Variants in CMTR1 observed in about 807,000 individuals in gnomAD.
The protein encoded by CMTR1 is cap methyltransferase 1, also known as cap-specific mRNA (nucleoside-2'-O-)-methyltransferase 1.
In CMTR1, 39 loss-of-function variants were observed where a neutral mutation model predicts 107.0. The ratio of observed to expected loss-of-function variants is 0.36; its 90% CI spans 0.28 to 0.48. The LOEUF (loss-of-function observed/expected upper bound fraction) is 0.48, where lower values mean the gene tolerates loss of function less well. Among genes scored for constraint, CMTR1 ranks in the 20% least tolerant of loss-of-function variants. The pLI is 0.99. For synonymous variants in CMTR1, 366 were observed against 379.5 expected (o/e 0.96, Z 0.41); for missense variants, 672 against 1,064.9 (o/e 0.63, Z 5.14).
At chr6:37,434,791 T>A (rs1182974020) in intron 1 of CMTR1, among the ~76,000 whole-genome samples, 2 of 152,162 alleles carry the variant, frequency 1.3e-5, no homozygotes, top group East Asian at 3.8e-4. Flanking sequence ...GTGTTTTTTT[T>A]ACTAGAGATG....
intron 13 of CMTR1, among the ~76,000 whole-genome samples, chr6:37,470,436 G>A (rs938792812): frequency 1.3e-5 from 2 of 151,960 alleles, no homozygotes; most frequent in Admixed American, 6.6e-5. Context: ...GTGAGCCACC[G>A]CGCCTGGCCG....
At chr6:37,475,267 G>A in intron 18 of CMTR1, 54 bp from the exon 19 acceptor site, 2 of 1,410,040 alleles carry the variant, frequency 1.4e-6, no homozygotes, top group Admixed American at 3.5e-5. Context: ...TGGGTAGTGG[G>A]GGCTGAAGGC....
chr6:37,428,418 G>C (rs778486064), upstream of CMTR1, among the ~76,000 whole-genome samples: 1 of 152,078 alleles, frequency 6.6e-6, no homozygotes, highest in African/African-American at 2.4e-5. Context: ...CCCTCCCTTC[G>C]TGGGTTCCCT....
the CMTR1 span, among the ~76,000 whole-genome samples, chr6:37,427,386 C>G: frequency 6.6e-6 from 1 of 152,148 alleles, no homozygotes; most frequent in Non-Finnish European, 1.5e-5. This position sits in a 1 kb window ranked among gnomAD's most constrained non-coding sequence, Gnocchi z 4.4. Context: ...TTTCAGAGGT[C>G]CTTACTTCAC....
chr6:37,470,967 A>G, intron 13 of CMTR1, 54 bp from the exon 14 acceptor site: 1 of 1,475,032 alleles, frequency 6.8e-7, no homozygotes, highest in South Asian at 1.2e-5. Flanking sequence ...TCCTGATGTC[A>G]GTTACCTGTC....
chr6:37,474,490 C>G (rs760993675), intron 17 of CMTR1, 34 bp from the exon 18 acceptor site: 7 of 1,612,456 alleles, frequency 4.3e-6, no homozygotes, highest in Non-Finnish European at 5.9e-6. Context: ...GATCTCCATG[C>G]CTTCCTTACC....
Position 37,458,345 on chromosome 6 carries a change from G to A in CMTR1, c.778-267G>A, listed in dbSNP as rs536866477. On this transcript the variant is annotated intron_variant, in intron 8 of 23. Coordinates refer to ENST00000373451, the MANE Select transcript of CMTR1 (RefSeq NM_015050.3). This position sits in a 1 kb window ranked among gnomAD's most constrained non-coding sequence, Gnocchi z 4.7. Reference sequence around the variant, plus strand: ...GCTGGGATTACAGGCTTGAGCCACCGCGCCTGGCTCCATGAAGATGTTTTT... The same window carrying A: ...GCTGGGATTACAGGCTTGAGCCACCACGCCTGGCTCCATGAAGATGTTTTT... Among the ~76,000 whole-genome samples, 8 of 152,246 alleles carry A rather than the reference G, an allele frequency of 5.3e-5. No homozygotes were observed. The highest frequency in any genetic ancestry group is 9.6e-5 in the African/African-American group (4 of 41,534).
In CMTR1 at chr6:37,481,125, T is replaced by G; in HGVS notation, c.*980T>G. The G allele has an allele frequency of 7.7e-7, 1 of 1,304,006 alleles. No homozygotes were observed. Among genetic ancestry groups the G allele is most frequent in the South Asian group, 1.2e-5 (1 of 81,026 alleles). The allele number at this position is 1,304,006 out of a possible 1,614,324, so 80.8% of individuals were successfully genotyped here. ...TTCCTTTTTCTTCCCTAATAGGAGG[T>G]ACAATCTGCTTTTGTTTGTCGTTAA... is the stretch of plus-strand genomic sequence containing the variant. On this transcript the variant is annotated 3_prime_UTR_variant, in exon 24 of 24. Coordinates refer to ENST00000373451, the MANE Select transcript of CMTR1 (RefSeq NM_015050.3).
rs1771730589 is a variant in CMTR1 at position 37,444,083 on chromosome 6, C to G, written c.218C>G (p.Ala73Gly). Residue 73 changes from alanine to glycine, a missense_variant, in exon 3 of 24, where the codon GCA becomes GGA. Ala to Gly is a moderately conservative substitution (Grantham distance 60, BLOSUM62 0). Coordinates refer to ENST00000373451, the MANE Select transcript of CMTR1 (RefSeq NM_015050.3). ...GACTCTTTTGACGATGCATTCAAAG[C>G]AGACTCTCTTGTGGAAGGAACTTCT... ...SSDSFDDAFK[A>G]DSLVEGTSSR... 1 of 1,614,046 alleles carries G rather than the reference C, an allele frequency of 6.2e-7. No homozygotes were observed.
chr6:37,445,080 GATTCATTTA>G (rs1201752936), intron 3 of CMTR1, among the ~76,000 whole-genome samples: 1 of 152,154 alleles, frequency 6.6e-6, no homozygotes, highest in Non-Finnish European at 1.5e-5. Context: ...TTTTCTCTTA[GATTCATTTA>G]AGAATGAGAA....
chr6:37,461,521 C>T, intron 10 of CMTR1, 28 bp from the exon 11 acceptor site: 1 of 1,325,980 alleles, frequency 7.5e-7, no homozygotes, highest in Non-Finnish European at 1.1e-6. Context: ...TTCTCTTTCC[C>T]ACCCCATTCC....
In CMTR1 at chr6:37,458,897, C is replaced by A; in HGVS notation, c.976+87C>A. ...GTCAGAAGCAGTTGTTATCCACATGCCATATTTTCTTTCCTAGGTCTCTTA... is the reference window on the plus strand; with the variant it reads ...GTCAGAAGCAGTTGTTATCCACATGACATATTTTCTTTCCTAGGTCTCTTA... On this transcript the variant is annotated intron_variant, in intron 9 of 23. Transcript: ENST00000373451. This position sits in a 1 kb window ranked among gnomAD's most constrained non-coding sequence, Gnocchi z 4.7. 8.0e-7 allele frequency: 1 copy of A among 1,244,176 alleles called. No individual in the cohort carries two copies. Among genetic ancestry groups the A allele is most frequent in the Non-Finnish European group, 1.1e-6 (1 of 875,754 alleles). The allele number at this position is 1,244,176 out of a possible 1,614,324, so 77.1% of individuals were successfully genotyped here. A position where few individuals can be genotyped will look rare whatever the true frequency, so the allele number is the denominator to read the frequency against.
intron 13 of CMTR1, among the ~76,000 whole-genome samples, chr6:37,464,997 C>T (rs1271980041): frequency 1.3e-5 from 2 of 150,664 alleles, no homozygotes; most frequent in Non-Finnish European, 2.9e-5. Flanking sequence ...TGGCCGGGCG[C>T]GGTGGCTCAC....
chr6:37,442,346 C>T (rs887101375), intron 2 of CMTR1, among the ~76,000 whole-genome samples: 3 of 152,218 alleles, frequency 2.0e-5, no homozygotes, highest in Non-Finnish European at 4.4e-5. Flanking sequence ...CCTTAAACTT[C>T]TGAGGCCTGA....
rs149409097 is a variant in CMTR1, at chr6:37,444,037, G to C, written c.172G>C (p.Glu58Gln). ...CCTTAGTGGGTCTGATAGTGAGACC[G>C]AGGGGAAACAACACAGCTCTGACTC... ...TSLSGSDSET[E>Q]GKQHSSDSFD... The change falls in exon 3 of 24, where the codon GAG (glutamate) becomes CAG (glutamine). Residue 58 changes from glutamate to glutamine, a missense_variant. This residue lies in a region of CMTR1 where 89 missense variants were observed against 96.6 expected (regional missense o/e 0.92). Coordinates refer to ENST00000373451, the MANE Select transcript of CMTR1 (RefSeq NM_015050.3). The C allele has an allele frequency of 6.2e-7, 1 of 1,614,066 alleles. No individual in the cohort carries two copies. The highest frequency in any genetic ancestry group is 8.5e-7 in the Non-Finnish European group (1 of 1,180,018).
chr6:37,447,959 C>T (rs1771838031), intron 4 of CMTR1, among the ~76,000 whole-genome samples: 1 of 151,860 alleles, frequency 6.6e-6, no homozygotes. Flanking sequence ...GCCTGTAACC[C>T]CAGCACTTTG....
At chr6:37,470,469 C>CT (rs1341965358) in intron 13 of CMTR1, among the ~76,000 whole-genome samples, 1 of 152,156 alleles carries the variant, frequency 6.6e-6, no homozygotes, top group Non-Finnish European at 1.5e-5. Flanking sequence ...TCCAGTAGAT[C>CT]TTTTAACATG....
intron 20 of CMTR1, among the ~76,000 whole-genome samples, chr6:37,476,874 T>A (rs1163911015): frequency 6.6e-6 from 1 of 152,248 alleles, no homozygotes; most frequent in African/African-American, 2.4e-5. Flanking sequence ...TTAGTTAAAA[T>A]TAAATCCAGT....
chr6:37,441,903 G>A (rs983101150), intron 2 of CMTR1, among the ~76,000 whole-genome samples: 1 of 152,140 alleles, frequency 6.6e-6, no homozygotes, highest in Non-Finnish European at 1.5e-5. Context: ...AAGTCAACTC[G>A]ATTAAGAGAA....
Sources: gnomAD v4.1 joint callset for allele counts (sites outside exome capture counted in the v4.1 genomes callset) on GRCh38, gnomAD v4.1.1 for gene constraint, gnomAD v4.1.1 regional missense constraint, Gnocchi (gnomAD v3.1) non-coding constraint, MANE v1.5 for transcripts, NCBI Gene and HGNC (gene_info 2026-07-23, HGNC 2026-07-21) for gene names.